CDH13: variants seen among roughly 807,000 people sequenced by gnomAD.
CDH13 encodes the protein cadherin-13.
CDH13 carries 24 observed loss-of-function variants against 63.8 expected under a neutral mutation model. That is an observed-to-expected ratio of 0.38 (90% confidence interval 0.27 to 0.53). The LOEUF (loss-of-function observed/expected upper bound fraction) is 0.53, where lower values mean the gene tolerates loss of function less well. CDH13 is among the 20% of genes least tolerant of loss of function. CDH13 has a pLI of 0.85. For synonymous variants in CDH13, 503 were observed against 355.3 expected, an observed-to-expected ratio of 1.42 and a Z score of -4.67; for missense variants, 1,049 against 903.1, an observed-to-expected ratio of 1.16 and a Z score of -2.07.
chr16:83,503,041 G>C (rs185173752), intron 7 of CDH13, among the ~76,000 whole-genome samples: 7 of 152,322 alleles, frequency 4.6e-5, no homozygotes, highest in South Asian at 4.1e-4. Flanking sequence ...CATAAATCCA[G>C]CCTTACAAAG....
chr16:82,784,316 G>C (rs375839217), intron 1 of CDH13, among the ~76,000 whole-genome samples: 4 of 152,188 alleles, frequency 2.6e-5, no homozygotes, highest in East Asian at 3.8e-4. Flanking sequence ...CAGCATGTGG[G>C]AGAGGTTCTT....
intron 8 of CDH13, among the ~76,000 whole-genome samples, chr16:83,603,523 A>C (rs1820211): frequency 0.027 from 4,146 of 152,294 alleles, 173 homozygotes; most frequent in East Asian, 0.16. Flanking sequence ...CAGGAAGTGA[A>C]CCAGGTTCCT....
intron 2 of CDH13, among the ~76,000 whole-genome samples, chr16:82,899,016 G>A (rs1473470630): frequency 6.6e-6 from 1 of 152,212 alleles, no homozygotes; most frequent in Non-Finnish European, 1.5e-5. Context: ...CATTCAGACT[G>A]TCCCCCAAGA....
At chr16:83,714,092 G>T (rs1255958800) in intron 10 of CDH13, among the ~76,000 whole-genome samples, 1 of 152,158 alleles carries the variant, frequency 6.6e-6, no homozygotes, top group Non-Finnish European at 1.5e-5. Context: ...TGAGTGGAGG[G>T]GGGGCTGCCC....
chr16:83,503,994 G>A (rs1417979297), intron 7 of CDH13, among the ~76,000 whole-genome samples: 1 of 152,068 alleles, frequency 6.6e-6, no homozygotes, highest in Non-Finnish European at 1.5e-5. Context: ...TAGGACAGAT[G>A]CCCAATGCAT....
chr16:82,664,176 T>C (rs939542170), intron 1 of CDH13, among the ~76,000 whole-genome samples: 2 of 152,378 alleles, frequency 1.3e-5, no homozygotes, highest in African/African-American at 4.8e-5. Context: ...ATGTTAGCTT[T>C]TGTTGAAATT....
chr16:83,535,259 A>G (rs2075161568), intron 7 of CDH13, among the ~76,000 whole-genome samples: 1 of 152,256 alleles, frequency 6.6e-6, no homozygotes, highest in South Asian at 2.1e-4. Flanking sequence ...CTGGAAAGAG[A>G]CACAGGCTTT....
At chr16:83,774,570 C>T (rs1471047520) in intron 11 of CDH13, among the ~76,000 whole-genome samples, 1 of 152,108 alleles carries the variant, frequency 6.6e-6, no homozygotes, top group Non-Finnish European at 1.5e-5. Flanking sequence ...GACAGGGTTT[C>T]GCCATGTTGG....
rs567862607 is a variant in CDH13 at position 83,440,038 on chromosome 16, G to A, written c.782-46439G>A. 3.3e-5 allele frequency among the ~76,000 whole-genome samples: 5 copies of A among 152,330 alleles called. No homozygotes were observed. In the East Asian group the frequency reaches 9.7e-4, roughly 29 times the overall value. Reference sequence around the variant, plus strand: ...ACCCACGGTGTCTGTGCAGGCCAGGGTAGGGAGGCTGGCTTTCATTTTAAA... The same window carrying A: ...ACCCACGGTGTCTGTGCAGGCCAGGATAGGGAGGCTGGCTTTCATTTTAAA... On this transcript the variant is annotated intron_variant, in intron 6 of 13. Coordinates refer to ENST00000567109, the MANE Select transcript of CDH13 (RefSeq NM_001257.5).
intron 2 of CDH13, among the ~76,000 whole-genome samples, chr16:82,883,130 G>A (rs562150588): frequency 1.3e-5 from 2 of 152,286 alleles, no homozygotes; most frequent in African/African-American, 4.8e-5. Flanking sequence ...ATTAAATTCA[G>A]AAAGCATAAG....
chr16:82,644,000 G>A (rs1909754417), intron 1 of CDH13, among the ~76,000 whole-genome samples: 2 of 152,156 alleles, frequency 1.3e-5, no homozygotes, highest in Admixed American at 6.5e-5. Context: ...TCCTCCAGGA[G>A]TAGCTGGCAT....
chr16:83,083,327 G>A (rs760017658), intron 3 of CDH13, among the ~76,000 whole-genome samples: 14 of 152,104 alleles, frequency 9.2e-5, no homozygotes, highest in Non-Finnish European at 1.6e-4. Flanking sequence ...ACTCTATACC[G>A]TACAGTATAA....
At chr16:83,631,626 C>T (rs997682185) in intron 8 of CDH13, among the ~76,000 whole-genome samples, 1 of 152,004 alleles carries the variant, frequency 6.6e-6, no homozygotes, top group African/African-American at 2.4e-5. Context: ...AGGGATGTCA[C>T]TCCAGGATGC....
chr16:82,989,110 T>C (rs1299605553), intron 2 of CDH13, among the ~76,000 whole-genome samples: 1 of 152,064 alleles, frequency 6.6e-6, no homozygotes, highest in African/African-American at 2.4e-5. Context: ...CTTTCAAAAA[T>C]GTACAAAGCA....
intron 5 of CDH13, among the ~76,000 whole-genome samples, chr16:83,275,387 T>G (rs2088955666): frequency 6.6e-6 from 1 of 152,240 alleles, no homozygotes; most frequent in Non-Finnish European, 1.5e-5. Context: ...TGGCTGCTAA[T>G]TTCCTGTCTG....
chr16:83,443,597 C>A (rs1242743601), intron 6 of CDH13, among the ~76,000 whole-genome samples: 2 of 151,088 alleles, frequency 1.3e-5, no homozygotes, highest in Non-Finnish European at 2.9e-5. Context: ...TCAGACTGGG[C>A]TGGTGGTTCA....
At chr16:83,558,959 C>T (rs2075651459) in intron 7 of CDH13, among the ~76,000 whole-genome samples, 1 of 59,246 alleles carries the variant, frequency 1.7e-5, no homozygotes, top group Non-Finnish European at 3.8e-5. Flanking sequence ...TGTCCAACAC[C>T]ATGGAGGACC....
chr16:82,967,466 A>G (rs1410273546), intron 2 of CDH13, among the ~76,000 whole-genome samples: 3 of 152,128 alleles, frequency 2.0e-5, no homozygotes, highest in Non-Finnish European at 4.4e-5. Flanking sequence ...ACCTAGTACA[A>G]TTCTCAGTAA....
chr16:82,903,317 C>G (rs1041169609), intron 2 of CDH13, among the ~76,000 whole-genome samples: 33 of 152,346 alleles, frequency 2.2e-4, no homozygotes, highest in African/African-American at 7.7e-4. Context: ...GAGCTGGGAG[C>G]TGCACCATGC....
Sources: gnomAD v4.1 joint callset for allele counts (sites outside exome capture counted in the v4.1 genomes callset) on GRCh38, gnomAD v4.1.1 for gene constraint, MANE v1.5 for transcripts, NCBI Gene and HGNC (gene_info 2026-07-23, HGNC 2026-07-21) for gene names.